Variants in NTN1 observed in about 807,000 individuals in gnomAD.
The protein encoded by NTN1 is netrin 1, also known as netrin-1.
Under a neutral mutation model 54.2 loss-of-function variants are expected in NTN1, and 11 were observed. The observed-to-expected ratio is 0.20, with a 90% CI of 0.13 to 0.34. NTN1 has a LOEUF of 0.34. Among genes scored for constraint, NTN1 ranks in the 10% least tolerant of loss-of-function variants. NTN1 has a pLI of 1.00. For synonymous variants in NTN1, 371 were observed against 382.0 expected (o/e 0.97, Z 0.33); for missense variants, 740 against 893.1 (o/e 0.83, Z 2.18).
At chr17:9,042,068 G>C (rs907040697) in intron 2 of NTN1, among the ~76,000 whole-genome samples, 1 of 151,730 alleles carries the variant, frequency 6.6e-6, no homozygotes, top group Non-Finnish European at 1.5e-5. Context: ...TGCCAGATTG[G>C]TTTTCAGGCA....
the NTN1 span, among the ~76,000 whole-genome samples, chr17:9,009,071 CA>C: frequency 6.6e-6 from 1 of 152,082 alleles, no homozygotes; most frequent in Non-Finnish European, 1.5e-5. Context: ...CAAAACAAAA[CA>C]AAAAAAGCTC....
At chr17:9,170,987 A>G (rs1051802401) in intron 3 of NTN1, 1 of 151,892 alleles carries the variant, frequency 6.6e-6, no homozygotes, top group Non-Finnish European at 1.5e-5. Context: ...AGTGTCAAAT[A>G]ACCCAGTTTG....
chr17:9,229,807 G>A (rs968493819), intron 6 of NTN1, among the ~76,000 whole-genome samples: 1 of 152,176 alleles, frequency 6.6e-6, no homozygotes, highest in Non-Finnish European at 1.5e-5. Flanking sequence ...GACCCCTGAT[G>A]GTGAGGGGGG....
chr17:9,174,549 G>C (rs890114108), intron 3 of NTN1: 3 of 152,276 alleles, frequency 2.0e-5, no homozygotes, highest in Non-Finnish European at 2.9e-5. Context: ...TCTGCTCCAG[G>C]CCTCTTTCCT....
At chr17:9,054,743 G>T (rs1393293817) in intron 2 of NTN1, among the ~76,000 whole-genome samples, 1 of 152,138 alleles carries the variant, frequency 6.6e-6, no homozygotes, top group Non-Finnish European at 1.5e-5. Flanking sequence ...GTTTCAGCCT[G>T]AGCCTCTCGG....
intron 6 of NTN1, among the ~76,000 whole-genome samples, chr17:9,226,714 G>A (rs1024298652): frequency 7.2e-5 from 11 of 152,102 alleles, no homozygotes; most frequent in Non-Finnish European, 1.2e-4. Flanking sequence ...GCATATTCGC[G>A]ATTCCTGCCA....
Position 9,081,782 on chromosome 17 carries a change from T to C in NTN1, c.1018+58391T>C, listed in dbSNP as rs552755029. Among the ~76,000 whole-genome samples the C allele has an allele frequency of 2.6e-5, 4 of 152,342 alleles. No homozygotes were observed. In the South Asian group the frequency reaches 6.2e-4, roughly 24 times the overall value. Reference sequence around the variant, plus strand: ...GCCATAGAGGAAGCACTTTCATGCCTTAAGGTTGCCTTCAACCTTAAGTTA... The same window carrying C: ...GCCATAGAGGAAGCACTTTCATGCCCTAAGGTTGCCTTCAACCTTAAGTTA... On this transcript the variant is annotated intron_variant, in intron 2 of 6. Transcript: ENST00000173229.
In NTN1 at chr17:9,021,528, G is replaced by T. The variant is rs1339771407; in HGVS notation, c.-121G>T. On this transcript the variant is annotated 5_prime_UTR_variant, in exon 1 of 7. Coordinates refer to ENST00000173229, the MANE Select transcript of NTN1 (RefSeq NM_004822.3). ...GCCCCTCACTCCCAGCGCGAGTGGC[G>T]GCGGCGGCGGAGCCTTCGGGGGCGA... is the stretch of plus-strand genomic sequence containing the variant. 3 of 151,876 alleles carry T rather than the reference G, an allele frequency of 2.0e-5. No homozygotes were observed. The highest frequency in any genetic ancestry group is 7.3e-5 in the African/African-American group (3 of 41,342). 9.4% of individuals were successfully genotyped at this position (151,876 alleles called of 1,614,324 possible).
At position 9,239,062 on chromosome 17, in the gene NTN1, G is replaced by A. The variant is rs568188217; in HGVS notation, c.1487-578G>A. On this transcript the variant is annotated intron_variant, in intron 6 of 6. Transcript: ENST00000173229. The surrounding 1 kb of genome is among the most constrained non-coding windows in gnomAD (Gnocchi z 5.2). ...GCCACCTGGTAGGGATGGCTTAGGC[G>A]TGGGAAGCGGCAGTCCAAGGTTCCC... is the stretch of plus-strand genomic sequence containing the variant. Among the ~76,000 whole-genome samples, 29 of 152,234 alleles carry A rather than the reference G, an allele frequency of 1.9e-4. No individual in the cohort carries two copies. The highest frequency in any genetic ancestry group is 3.7e-4 in the Non-Finnish European group (25 of 68,038).
intron 2 of NTN1, among the ~76,000 whole-genome samples, chr17:9,099,392 C>G (rs183565308): frequency 1.2e-4 from 19 of 152,156 alleles, no homozygotes; most frequent in Non-Finnish European, 2.5e-4. Flanking sequence ...GCAACAAGAG[C>G]GAAACTCTGT....
At position 9,095,398 on chromosome 17, in the gene NTN1, A is replaced by G. The variant is rs2092127921; in HGVS notation, c.1019-67415A>G. Among the ~76,000 whole-genome samples the G allele has an allele frequency of 2.0e-5, 3 of 152,322 alleles. No individual in the cohort carries two copies. In the South Asian group the frequency reaches 6.2e-4, roughly 32 times the overall value. ...GTGTATTCTAGCACTTTCATAGCTT[A>G]ATTTTTTATACTTAAATCTTGAATC... On this transcript the variant is annotated intron_variant, in intron 2 of 6. Transcript: ENST00000173229.
intron 6 of NTN1, among the ~76,000 whole-genome samples, chr17:9,226,523 C>T (rs1905567545): frequency 1.0e-5 from 1 of 99,688 alleles, no homozygotes; most frequent in Non-Finnish European, 1.8e-5. Context: ...GAGGTGGTCT[C>T]GTGGGGAGGC....
chr17:9,024,355 T>C (rs2091863340), intron 2 of NTN1, among the ~76,000 whole-genome samples: 1 of 152,208 alleles, frequency 6.6e-6, no homozygotes, highest in African/African-American at 2.4e-5. Context: ...ACTTTTTCAG[T>C]ATGGGAAGTA....
intron 2 of NTN1, among the ~76,000 whole-genome samples, chr17:9,067,670 C>G (rs1455822994): frequency 6.6e-6 from 1 of 152,196 alleles, no homozygotes; most frequent in East Asian, 1.9e-4. Context: ...TCATCTTCCT[C>G]ACTTCTTCAG....
chr17:9,163,096 C>T (rs1035763276), intron 3 of NTN1, 95 bp downstream of exon 3: 8 of 1,312,312 alleles, frequency 6.1e-6, no homozygotes, highest in Non-Finnish European at 8.3e-6. Flanking sequence ...TTCTTCCAGT[C>T]TGTACAAATT....
At chr17:9,089,594 G>A (rs1363687621) in intron 2 of NTN1, among the ~76,000 whole-genome samples, 1 of 152,092 alleles carries the variant, frequency 6.6e-6, no homozygotes, top group Non-Finnish European at 1.5e-5. Context: ...GTTTTTCACT[G>A]CTGGGTGGAA....
chr17:9,132,182 T>C (rs1225319885), intron 2 of NTN1, among the ~76,000 whole-genome samples: 1 of 152,136 alleles, frequency 6.6e-6, no homozygotes. Flanking sequence ...CACCTGGCCG[T>C]GGCCTGAGCA....
chr17:9,050,668 CAA>C (rs11302328), intron 2 of NTN1, among the ~76,000 whole-genome samples: 117 of 58,636 alleles, frequency 2.0e-3, no homozygotes, highest in African/African-American at 4.6e-3. Context: ...GACTCCATCT[CAA>C]AAAAAAAAAA....
chr17:9,210,602 C>T (rs1259969799), intron 5 of NTN1, among the ~76,000 whole-genome samples: 4 of 152,110 alleles, frequency 2.6e-5, no homozygotes, highest in Non-Finnish European at 4.4e-5. Context: ...GTAAATGGTC[C>T]TCATCCTCGC....
Sources: gnomAD v4.1 joint callset for allele counts (sites outside exome capture counted in the v4.1 genomes callset) on GRCh38, gnomAD v4.1.1 for gene constraint, Gnocchi (gnomAD v3.1) non-coding constraint, MANE v1.5 for transcripts, NCBI Gene and HGNC (gene_info 2026-07-23, HGNC 2026-07-21) for gene names.